The following DGKB variants were observed in gnomAD, a reference collection of about 807,000 sequenced individuals.
The protein encoded by DGKB is diacylglycerol kinase beta.
DGKB carries 67 observed loss-of-function variants against 114.3 expected under a neutral mutation model. The ratio of observed to expected loss-of-function variants is 0.59; its 90% CI spans 0.48 to 0.72. The LOEUF (loss-of-function observed/expected upper bound fraction) is 0.72, where lower values mean the gene tolerates loss of function less well. DGKB is among the 30% of genes least tolerant of loss of function. The probability of loss-of-function intolerance (pLI) is 0.00; values close to 1 mark genes in which losing one functional copy is unlikely to be tolerated. For missense variants in DGKB, 907 were observed against 975.2 expected (o/e 0.93, Z 0.93); for synonymous variants, 398 against 323.1 (o/e 1.23, Z -2.49).
At chr7:14,714,909 G>A (rs141914784) in intron 6 of DGKB, among the ~76,000 whole-genome samples, 12 of 152,260 alleles carry the variant, frequency 7.9e-5, no homozygotes, top group African/African-American at 1.4e-4. Flanking sequence ...GTGGGCAAGA[G>A]TAAAACAGTT....
intron 21 of DGKB, among the ~76,000 whole-genome samples, chr7:14,413,062 C>A (rs1825146259): frequency 6.6e-6 from 1 of 151,448 alleles, no homozygotes; most frequent in African/African-American, 2.4e-5. Context: ...GCAGCCTGGA[C>A]TAGGATGGAG....
At chr7:14,885,533 A>C (rs1854914463) in intron 1 of DGKB, among the ~76,000 whole-genome samples, 1 of 151,834 alleles carries the variant, frequency 6.6e-6, no homozygotes, top group South Asian at 2.1e-4. Flanking sequence ...AGGAGAATGC[A>C]AGGAGTGTAC....
intron 1 of DGKB, among the ~76,000 whole-genome samples, chr7:14,957,029 G>C (rs892439548): frequency 3.3e-5 from 5 of 151,804 alleles, no homozygotes; most frequent in Non-Finnish European, 7.4e-5. Flanking sequence ...TTTTTCAGAG[G>C]CTATCAAATG....
intron 23 of DGKB, among the ~76,000 whole-genome samples, chr7:14,314,655 A>G (rs1806121545): frequency 6.6e-6 from 1 of 152,164 alleles, no homozygotes; most frequent in Admixed American, 6.5e-5. Context: ...TCTACGTCTG[A>G]CTGGTGTACC....
intron 20 of DGKB, among the ~76,000 whole-genome samples, chr7:14,535,935 T>G (rs1179777327): frequency 6.6e-6 from 1 of 151,324 alleles, no homozygotes; most frequent in African/African-American, 2.4e-5. Flanking sequence ...ATAGACGTAC[T>G]AAGAAAAAAA....
At chr7:14,414,966 T>G (rs2128750870) in intron 21 of DGKB, among the ~76,000 whole-genome samples, 1 of 152,070 alleles carries the variant, frequency 6.6e-6, no homozygotes, top group Non-Finnish European at 1.5e-5. Flanking sequence ...ATTTCAAGAC[T>G]TTCTGATGTG....
At chr7:14,162,801 A>ATCTT (rs1279018400) in intron 25 of DGKB, among the ~76,000 whole-genome samples, 8 of 152,224 alleles carry the variant, frequency 5.3e-5, no homozygotes, top group African/African-American at 9.6e-5. Flanking sequence ...CAAGAAAAAA[A>ATCTT]TCTTTAAAAT....
At chr7:14,428,637 A>G (rs921268658) in intron 21 of DGKB, among the ~76,000 whole-genome samples, 4 of 152,142 alleles carry the variant, frequency 2.6e-5, no homozygotes, top group African/African-American at 9.7e-5. Flanking sequence ...AGTGAGTACA[A>G]CAAAAATTGG....
At chr7:14,398,249 T>C (rs1036183543) in intron 21 of DGKB, among the ~76,000 whole-genome samples, 3 of 152,070 alleles carry the variant, frequency 2.0e-5, no homozygotes, top group African/African-American at 7.2e-5. Flanking sequence ...AAACATTATG[T>C]TAAACCACAT....
At chr7:14,372,334 T>C (rs374956396) in intron 21 of DGKB, among the ~76,000 whole-genome samples, 39 of 152,270 alleles carry the variant, frequency 2.6e-4, no homozygotes, top group African/African-American at 8.7e-4. Context: ...ACATAGTTGA[T>C]CTTTATGTAC....
At chr7:14,725,848 A>G (rs1430050696) in intron 5 of DGKB, among the ~76,000 whole-genome samples, 2 of 152,126 alleles carry the variant, frequency 1.3e-5, no homozygotes, top group Non-Finnish European at 2.9e-5. Context: ...ACGCGCAACC[A>G]ATATGTTGAA....
At chr7:14,627,942 CAAA>C (rs1260547822) in intron 14 of DGKB, among the ~76,000 whole-genome samples, 1 of 34,470 alleles carries the variant, frequency 2.9e-5, no homozygotes, top group Non-Finnish European at 7.6e-5. Context: ...GACCTTGTCT[CAAA>C]AAAACAAAAA....
intron 21 of DGKB, among the ~76,000 whole-genome samples, chr7:14,464,814 G>T (rs567813413): frequency 6.6e-6 from 1 of 152,132 alleles, no homozygotes; most frequent in South Asian, 2.1e-4. Context: ...ATATATGAAG[G>T]TTTTGGCAGA....
chr7:14,204,370 T>C (rs1786403113), intron 23 of DGKB, among the ~76,000 whole-genome samples: 1 of 151,988 alleles, frequency 6.6e-6, no homozygotes, highest in African/African-American at 2.4e-5. Context: ...TTGCAGCTCT[T>C]CTACACAGTT....
intron 19 of DGKB, among the ~76,000 whole-genome samples, chr7:14,576,274 G>A (rs1402486946): frequency 6.6e-6 from 1 of 151,936 alleles, no homozygotes; most frequent in East Asian, 1.9e-4. Context: ...TAAACTGCAA[G>A]ATTACAATAA....
chr7:14,160,553 C>A (rs1031274918), intron 25 of DGKB, among the ~76,000 whole-genome samples: 1 of 152,174 alleles, frequency 6.6e-6, no homozygotes, highest in Non-Finnish European at 1.5e-5. Context: ...ATACGACTTA[C>A]TTACAAGGGA....
intron 15 of DGKB, among the ~76,000 whole-genome samples, chr7:14,616,186 C>T (rs1211890403): frequency 2.7e-5 from 4 of 147,954 alleles, no homozygotes; most frequent in African/African-American, 4.9e-5. Context: ...AACATTCTCT[C>T]GTATATACAT....
chr7:14,752,330 C>A (rs1198659981), intron 4 of DGKB, among the ~76,000 whole-genome samples: 1 of 124,270 alleles, frequency 8.0e-6, no homozygotes, highest in African/African-American at 4.7e-5. Context: ...CCCCAGGTTC[C>A]TTATTAAGGG....
chr7:14,936,822 C>G (rs1039903368), intron 1 of DGKB, among the ~76,000 whole-genome samples: 1 of 152,024 alleles, frequency 6.6e-6, no homozygotes, highest in South Asian at 2.1e-4. Flanking sequence ...GAATGTGAAC[C>G]TTGAGCAGTG....
Sources: gnomAD v4.1 joint callset for allele counts (sites outside exome capture counted in the v4.1 genomes callset) on GRCh38, gnomAD v4.1.1 for gene constraint, MANE v1.5 for transcripts, NCBI Gene and HGNC (gene_info 2026-07-23, HGNC 2026-07-21) for gene names.